USP53: variants seen among roughly 807,000 people sequenced by gnomAD.
USP53 encodes the protein ubiquitin specific peptidase 53, also known as ubiquitin carboxyl-terminal hydrolase 53.
USP53 carries 71 observed loss-of-function variants against 94.9 expected under a neutral mutation model. The ratio of observed to expected loss-of-function variants is 0.75; its 90% CI spans 0.62 to 0.91. USP53 has a LOEUF of 0.91. Among genes scored for constraint, USP53 ranks in the 40% least tolerant of loss-of-function variants. The probability of loss-of-function intolerance (pLI) is 0.00; values close to 1 mark genes in which losing one functional copy is unlikely to be tolerated. For missense variants in USP53, 1,173 were observed against 1,281.0 expected (o/e 0.92, Z 1.29); for synonymous variants, 375 against 422.7 (o/e 0.89, Z 1.39).
chr4:119,213,873 AAAAC>A (rs937172054), intron 1 of USP53, among the ~76,000 whole-genome samples, 193 bp from the exon 2 acceptor site: 3 of 136,386 alleles, frequency 2.2e-5, no homozygotes, highest in East Asian at 4.0e-4. Context: ...CCGTCTCCAA[AAAAC>A]AAACAAACAA....
intron 3 of USP53, among the ~76,000 whole-genome samples, chr4:119,226,487 C>G (rs1445397360): frequency 6.6e-6 from 1 of 151,532 alleles, no homozygotes; most frequent in African/African-American, 2.4e-5. Context: ...AATTGGAAAC[C>G]AAAATTGAAA....
chr4:119,292,150 G>C (rs1754835514), intron 18 of USP53, among the ~76,000 whole-genome samples, 188 bp from the exon 19 acceptor site: 1 of 152,132 alleles, frequency 6.6e-6, no homozygotes, highest in Non-Finnish European at 1.5e-5. Context: ...CTGACATAAA[G>C]AGTTTGGATT....
intron 7 of USP53, among the ~76,000 whole-genome samples, chr4:119,249,578 T>C (rs1748688290): frequency 6.6e-6 from 1 of 152,132 alleles, no homozygotes; most frequent in African/African-American, 2.4e-5. Context: ...TCTTTCCGTA[T>C]TAATTCCCTA....
At chr4:119,273,909 T>C (rs934017145) in intron 17 of USP53, among the ~76,000 whole-genome samples, 1 of 151,944 alleles carries the variant, frequency 6.6e-6, no homozygotes, top group Non-Finnish European at 1.5e-5. Flanking sequence ...ATCAGCATTC[T>C]TTTTTGTATT....
chr4:119,275,652 G>C (rs1181008296), intron 17 of USP53, among the ~76,000 whole-genome samples: 4 of 151,990 alleles, frequency 2.6e-5, no homozygotes, highest in Non-Finnish European at 5.9e-5. Context: ...TTGGTAGCTT[G>C]ATGGGGATAG....
chr4:119,272,350 G>C (rs1390674715), intron 16 of USP53: 1 of 198,582 alleles, frequency 5.0e-6, no homozygotes, highest in Non-Finnish European at 1.0e-5. Context: ...GTCAACAATT[G>C]ATTGGTTTTA....
chr4:119,219,335 T>G (rs1170874758), intron 3 of USP53: 1 of 152,290 alleles, frequency 6.6e-6, no homozygotes, highest in Admixed American at 6.5e-5. Flanking sequence ...CTTCTGGCAG[T>G]GGCTGTTCAT....
chr4:119,265,629 C>A (rs964078296), intron 12 of USP53, among the ~76,000 whole-genome samples: 1 of 151,944 alleles, frequency 6.6e-6, no homozygotes, highest in African/African-American at 2.4e-5. Flanking sequence ...CGAGACCGTG[C>A]CACTGAACTC....
At chr4:119,236,880 G>A (rs2149316863) in intron 4 of USP53, among the ~76,000 whole-genome samples, 1 of 152,202 alleles carries the variant, frequency 6.6e-6, no homozygotes, top group Non-Finnish European at 1.5e-5. Flanking sequence ...GTTCTTTATG[G>A]CATCTAGAAT....
chr4:119,289,279 C>T (rs1754471244), intron 17 of USP53, among the ~76,000 whole-genome samples: 1 of 152,166 alleles, frequency 6.6e-6, no homozygotes, highest in Non-Finnish European at 1.5e-5. Context: ...TTAAAAAACA[C>T]AAGTATATGG....
chr4:119,228,682 A>G (rs868853506), intron 3 of USP53, among the ~76,000 whole-genome samples: 3 of 152,216 alleles, frequency 2.0e-5, no homozygotes, highest in Middle Eastern at 3.4e-3. Context: ...GGTAATGGTT[A>G]CATGACTGTA....
intron 12 of USP53, among the ~76,000 whole-genome samples, chr4:119,263,753 C>T (rs1297364785): frequency 1.3e-5 from 2 of 151,990 alleles, no homozygotes; most frequent in African/African-American, 4.8e-5. Flanking sequence ...CTGAAGGTTG[C>T]TCTGGACCTG....
At chr4:119,271,265 T>A (rs1336597746) in intron 15 of USP53, 31 bp from the exon 16 acceptor site, 41 of 1,524,248 alleles carry the variant, frequency 2.7e-5, no homozygotes, top group Non-Finnish European at 3.5e-5. Context: ...TGAGGAGTAA[T>A]TCATGTGTAT....
intron 2 of USP53, among the ~76,000 whole-genome samples, chr4:119,216,933 A>G (rs930462246): frequency 1.3e-5 from 2 of 152,230 alleles, no homozygotes; most frequent in Non-Finnish European, 2.9e-5. Flanking sequence ...AGATAATGTT[A>G]TTATAATTAG....
rs969573927 is a variant in USP53, at chr4:119,267,297, TATTC to T, written c.973-19_973-16del. The T allele has an allele frequency of 6.2e-7, 1 of 1,608,774 alleles. No homozygotes were observed. The highest frequency in any genetic ancestry group is 1.3e-5 in the African/African-American group (1 of 74,638). ...TGATTACAAGGTTTTGTTTTGTCTT[TATTC>T]ATTGTGTTTTTTTAAAAGATTGGAA... On this transcript the variant is annotated intron_variant, in intron 12 of 18. Transcript: ENST00000692078.
chr4:119,279,160 G>A (rs1578557077), intron 17 of USP53, among the ~76,000 whole-genome samples: 1 of 147,902 alleles, frequency 6.8e-6, no homozygotes, highest in East Asian at 2.0e-4. Flanking sequence ...GCGTTCCTTT[G>A]AAGGAGGAGA....
intron 7 of USP53, among the ~76,000 whole-genome samples, chr4:119,251,644 G>A (rs919969790): frequency 2.6e-5 from 4 of 152,196 alleles, no homozygotes; most frequent in African/African-American, 4.8e-5. Flanking sequence ...ATTTGACTTC[G>A]TCTCTTCCAT....
chr4:119,246,827 C>T (rs1040354444), intron 6 of USP53, among the ~76,000 whole-genome samples: 11 of 152,110 alleles, frequency 7.2e-5, no homozygotes, highest in Admixed American at 2.0e-4. Flanking sequence ...GCAACTCATT[C>T]GTGTCACTGA....
chr4:119,220,917 A>G (rs1220717463), intron 3 of USP53: 1 of 152,234 alleles, frequency 6.6e-6, no homozygotes, highest in Admixed American at 6.5e-5. Flanking sequence ...ATTAGGAATA[A>G]GAGAGGATTC....
Sources: gnomAD v4.1 joint callset for allele counts (sites outside exome capture counted in the v4.1 genomes callset) on GRCh38, gnomAD v4.1.1 for gene constraint, MANE v1.5 for transcripts, NCBI Gene and HGNC (gene_info 2026-07-23, HGNC 2026-07-21) for gene names.